Variants in KLHDC8A observed in about 807,000 individuals in gnomAD.
KLHDC8A encodes kelch domain-containing protein 8A.
In KLHDC8A, 21 loss-of-function variants were observed where a neutral mutation model predicts 33.1. That is an observed-to-expected ratio of 0.64 (90% CI 0.45 to 0.91). KLHDC8A has a LOEUF of 0.91. Among genes scored for constraint, KLHDC8A ranks in the 40% least tolerant of loss-of-function variants. KLHDC8A has a pLI of 0.00. For synonymous variants in KLHDC8A, 173 were observed against 193.5 expected, an observed-to-expected ratio of 0.89 and a Z score of 0.88; for missense variants, 435 against 483.3, an observed-to-expected ratio of 0.90 and a Z score of 0.94.
intron 1 of KLHDC8A, among the ~76,000 whole-genome samples, chr1:205,344,672 C>G (rs1662897641): frequency 6.6e-6 from 1 of 152,166 alleles, no homozygotes. Context: ...TATAGTTTAA[C>G]CTCATGAAAA....
intron 1 of KLHDC8A, among the ~76,000 whole-genome samples, chr1:205,353,242 A>G (rs1574916892): frequency 6.6e-6 from 1 of 150,582 alleles, no homozygotes; most frequent in African/African-American, 2.4e-5. Context: ...ATGATTGGGG[A>G]AAAAAAATCA....
chr1:205,348,029 C>T (rs894899898), intron 1 of KLHDC8A, among the ~76,000 whole-genome samples: 1 of 152,204 alleles, frequency 6.6e-6, no homozygotes, highest in Non-Finnish European at 1.5e-5. Flanking sequence ...TACAGGCATG[C>T]ACCACCTTGA....
Position 205,343,424 on chromosome 1 carries a change from C to G in KLHDC8A, c.181G>C (p.Ala61Pro), listed in dbSNP as rs753535397. The G allele has an allele frequency of 6.2e-7, 1 of 1,613,416 alleles. No individual in the cohort carries two copies. Among genetic ancestry groups the G allele is most frequent in the South Asian group, 1.1e-5 (1 of 91,076 alleles). ...VYSPEADQWT[A>P]LPRLPTARAG... The stretch of plus-strand genomic sequence containing the variant: ...CGGGCTGTGGGCAGCCGGGGCAAGG[C>G]GGTCCACTGGTCGGCCTCCGGGGAG... Residue 61 changes from alanine (A) to proline (P), a missense_variant, in exon 2 of 6, where the codon GCC becomes CCC. By Grantham distance (27) the Ala-to-Pro change is conservative. Coordinates refer to ENST00000367155, the MANE Select transcript of KLHDC8A (RefSeq NM_018203.3).
chr1:205,356,046 C>T lies in KLHDC8A; in HGVS notation c.-190+487G>A, dbSNP rs143935416. Among the ~76,000 whole-genome samples the T allele has an allele frequency of 4.6e-3, 699 of 152,272 alleles. 7 individuals are homozygous for T. Among genetic ancestry groups the T allele is most frequent in the African/African-American group, 0.016 (679 of 41,532 alleles). On this transcript the variant is annotated intron_variant, in intron 1 of 5. Transcript: ENST00000367155. ...GATCCCGTCACCTGTATAGTGAACA[C>T]AGTAACCTAATAGGAAGTTTCTCAG...
intron 1 of KLHDC8A, among the ~76,000 whole-genome samples, chr1:205,351,012 C>T (rs1327151605): frequency 6.6e-6 from 1 of 152,206 alleles, no homozygotes; most frequent in Non-Finnish European, 1.5e-5. Context: ...AAAAGGCTGG[C>T]CTGCTCACCC....
Position 205,343,430 on chromosome 1 carries a change from A to C in KLHDC8A, c.175T>G (p.Trp59Gly), listed in dbSNP as rs947105283. Residue 59 changes from tryptophan to glycine, a missense_variant, in exon 2 of 6, where the codon TGG (tryptophan) becomes GGG (glycine). Trp to Gly is a radical substitution (Grantham distance 184). Transcript: ENST00000367155. ...FEVYSPEADQ[W>G]TALPRLPTAR... ...GTGGGCAGCCGGGGCAAGGCGGTCC[A>C]CTGGTCGGCCTCCGGGGAGTAGACC... 4.3e-6 allele frequency: 7 copies of C among 1,613,292 alleles called. No homozygotes were observed. The highest frequency in any genetic ancestry group is 1.3e-5 in the African/African-American group (1 of 74,924).
At chr1:205,343,088 A>G (rs1180332245) in intron 2 of KLHDC8A, 141 bp downstream of exon 2, 4 of 1,230,712 alleles carry the variant, frequency 3.3e-6, no homozygotes, top group African/African-American at 1.5e-5. Flanking sequence ...AGGTGCAGGC[A>G]TTTTGCTGAA....
At chr1:205,349,884 C>A (rs1663048813) in intron 1 of KLHDC8A, among the ~76,000 whole-genome samples, 1 of 152,172 alleles carries the variant, frequency 6.6e-6, no homozygotes, top group Non-Finnish European at 1.5e-5. Flanking sequence ...TGTAACCGGG[C>A]TGTGCAACTA....
rs766875332 is a variant in KLHDC8A, at chr1:205,338,572, G to T, written c.782C>A (p.Ser261Ter). The T allele has an allele frequency of 1.2e-6, 2 of 1,614,124 alleles. No homozygotes were observed. The highest frequency in any genetic ancestry group is 1.7e-6 in the Non-Finnish European group (2 of 1,179,994). The change falls in exon 5 of 6, where the codon TCG (serine) becomes TAG (stop). Residue 261 changes from serine (S) to a stop codon, truncating the protein, a stop_gained. Transcript: ENST00000367155. LOFTEE classifies it high-confidence loss of function. ...EQGGWLKMER[S>*]FFLKKRRADF... ...TGCCCGCCGCTTCTTGAGGAAGAACGATCGTTCCATCTTCAGCCATCCCCC... is the reference window on the plus strand; with the variant it reads ...TGCCCGCCGCTTCTTGAGGAAGAACTATCGTTCCATCTTCAGCCATCCCCC...
Position 205,339,135 on chromosome 1 carries a change from G to C in KLHDC8A, c.757+59C>G, listed in dbSNP as rs527424218. 1.3e-4 allele frequency: 182 copies of C among 1,446,610 alleles called. 1 individual carries two copies. In the African/African-American group the frequency reaches 2.4e-3, roughly 19 times the overall value. 89.6% of individuals were successfully genotyped at this position (1,446,610 alleles called of 1,614,324 possible). ...TGGCTGGAATAGGGGTAAGGGATGG[G>C]GAGCCAGCCAGAAGGGCAGTGGGCA... On this transcript the variant is annotated intron_variant, in intron 4 of 5. Coordinates refer to ENST00000367155, the MANE Select transcript of KLHDC8A (RefSeq NM_018203.3). This position sits in a 1 kb window ranked among gnomAD's most constrained non-coding sequence, Gnocchi z 5.1.
intron 1 of KLHDC8A, among the ~76,000 whole-genome samples, chr1:205,348,833 CTG>C (rs1418811815): frequency 1.3e-5 from 2 of 152,172 alleles, no homozygotes; most frequent in Non-Finnish European, 2.9e-5. Flanking sequence ...ACTTCTGGGC[CTG>C]TGTCTTAGAC....
At position 205,339,219 on chromosome 1, in the gene KLHDC8A, C is replaced by G. The variant is rs1105386; in HGVS notation, c.732G>C (p.Thr244=). The G allele has an allele frequency of 4.2e-5, 67 of 1,613,968 alleles. No individual in the cohort carries two copies. Among genetic ancestry groups the G allele is most frequent in the Non-Finnish European group, 5.3e-5 (63 of 1,179,988 alleles). Residue 244 remains threonine (T), a synonymous_variant, in exon 4 of 6, where the codon ACG becomes ACC. Transcript: ENST00000367155. This position sits in a 1 kb window ranked among gnomAD's most constrained non-coding sequence, Gnocchi z 5.1. ...CCTGTTCCATGTCGAACACGTCCAT[C>G]GTCCGCAGGAACTTGGGCTGCCGGT... is the stretch of plus-strand genomic sequence containing the variant. ...RLYRQPKFLR[T]MDVFDMEQGG... is the part of the protein sequence containing the mutation.
chr1:205,337,693 G>T, intron 5 of KLHDC8A, 101 bp from the exon 6 acceptor site: 1 of 774,714 alleles, frequency 1.3e-6, no homozygotes, highest in Non-Finnish European at 2.1e-6. Flanking sequence ...ACAAGCAGAA[G>T]CCAAGCAAGG....
intron 1 of KLHDC8A, among the ~76,000 whole-genome samples, chr1:205,349,992 T>C (rs1663051875): frequency 6.6e-6 from 1 of 152,174 alleles, no homozygotes. Context: ...TATTCTGTAC[T>C]CTTGGGGTGC....
chr1:205,342,370 G>A (rs1452196298), intron 2 of KLHDC8A, among the ~76,000 whole-genome samples: 1 of 152,230 alleles, frequency 6.6e-6, no homozygotes, highest in African/African-American at 2.4e-5. Flanking sequence ...TGGCCATGCT[G>A]CCCTGGGGGA....
In KLHDC8A at chr1:205,337,046, C is replaced by G. The variant is rs529107455; in HGVS notation, c.*353G>C. On this transcript the variant is annotated 3_prime_UTR_variant, in exon 6 of 6. Transcript: ENST00000367155. Reference sequence around the variant, plus strand: ...AGACAGCAACAGCAGTCTATCCTCTCGGTCAGAACTGCTCTACCTGCCTCC... The same window carrying G: ...AGACAGCAACAGCAGTCTATCCTCTGGGTCAGAACTGCTCTACCTGCCTCC... The G allele has an allele frequency of 3.8e-6, 1 of 259,810 alleles. No individual in the cohort carries two copies. Among genetic ancestry groups the G allele is most frequent in the African/African-American group, 2.3e-5 (1 of 43,960 alleles). 16.1% of individuals were successfully genotyped at this position (259,810 alleles called of 1,614,324 possible).
rs1213052236 is a variant in KLHDC8A at position 205,336,854 on chromosome 1, G to C, written c.*545C>G. ...TTCCCTTCCAAGGCAGCTGCCTCTAGCTTCATGTCCAATTCTCGCTGAGTA... is the reference window on the plus strand; with the variant it reads ...TTCCCTTCCAAGGCAGCTGCCTCTACCTTCATGTCCAATTCTCGCTGAGTA... On this transcript the variant is annotated 3_prime_UTR_variant, in exon 6 of 6. Coordinates refer to ENST00000367155, the MANE Select transcript of KLHDC8A (RefSeq NM_018203.3). 6.4e-6 allele frequency: 1 copy of C among 156,172 alleles called. No homozygotes were observed. The highest frequency in any genetic ancestry group is 1.4e-5 in the Non-Finnish European group (1 of 70,266). 9.7% of individuals were successfully genotyped at this position (156,172 alleles called of 1,614,324 possible). A position where few individuals can be genotyped will look rare whatever the true frequency, so the allele number is the denominator to read the frequency against.
At chr1:205,338,363 G>A (rs1486881116) in intron 5 of KLHDC8A, 132 bp downstream of exon 5, 14 of 682,678 alleles carry the variant, frequency 2.1e-5, no homozygotes, top group African/African-American at 1.6e-4. Flanking sequence ...GGAGTGCTTC[G>A]AATTTTTTGG....
Position 205,339,349 on chromosome 1 carries a change from G to C in KLHDC8A, c.602C>G (p.Ser201Cys). The C allele has an allele frequency of 1.2e-6, 2 of 1,614,220 alleles. No individual in the cohort carries two copies. Among genetic ancestry groups the C allele is most frequent in the East Asian group, 2.2e-5 (1 of 44,882 alleles). Residue 201 changes from serine to cysteine, a missense_variant, in exon 4 of 6, where the codon TCC (serine) becomes TGC (cysteine). Ser to Cys is a moderately radical substitution (Grantham distance 112). Coordinates refer to ENST00000367155, the MANE Select transcript of KLHDC8A (RefSeq NM_018203.3). This position sits in a 1 kb window ranked among gnomAD's most constrained non-coding sequence, Gnocchi z 5.1. Reference sequence around the variant, plus strand: ...GGGAATGTTGGGAAACTTGGTCCAGGAGCGAGTCTCGATGTCAAAGACCTC... The same window carrying C: ...GGGAATGTTGGGAAACTTGGTCCAGCAGCGAGTCTCGATGTCAAAGACCTC... The part of the protein sequence containing the change: ...AFEVFDIETR[S>C]WTKFPNIPYK...
Sources: allele counts gnomAD v4.1 joint callset (sites outside exome capture counted in the v4.1 genomes callset), GRCh38; gene constraint gnomAD v4.1.1; non-coding constraint Gnocchi (gnomAD v3.1); transcripts MANE v1.5; gene names NCBI Gene and HGNC (gene_info 2026-07-23, HGNC 2026-07-21).